The following ABHD18 variants were observed in gnomAD, a reference collection of about 807,000 sequenced individuals.
ABHD18 encodes the protein cardiolipin-specific deacylase, mitochondrial.
Under a neutral mutation model 65.9 loss-of-function variants are expected in ABHD18, and 55 were observed. The ratio of observed to expected loss-of-function variants is 0.84; its 90% CI spans 0.67 to 1.05. The LOEUF (loss-of-function observed/expected upper bound fraction) is 1.05. ABHD18 is among the 50% of genes least tolerant of loss of function. The pLI, the probability that ABHD18 is intolerant of heterozygous loss-of-function variation, is 0.00. For synonymous variants in ABHD18, 181 were observed against 180.2 expected, an observed-to-expected ratio of 1.00 and a Z score of -0.04; for missense variants, 533 against 558.5, an observed-to-expected ratio of 0.95 and a Z score of 0.46.
chr4:128,011,309 C>T (rs952004193), intron 6 of ABHD18, among the ~76,000 whole-genome samples: 2 of 151,926 alleles, frequency 1.3e-5, no homozygotes, highest in Non-Finnish European at 2.9e-5. Flanking sequence ...CCACCTCGCC[C>T]AGCTAATTTT....
In ABHD18 at chr4:127,975,225, G is replaced by A. The variant is rs76021483; in HGVS notation, c.-17-7714G>A. Among the ~76,000 whole-genome samples the A allele has an allele frequency of 6.6e-3, 995 of 151,582 alleles. 20 individuals are homozygous for A. The highest frequency in any genetic ancestry group is 0.022 in the African/African-American group (894 of 41,270). On this transcript the variant is annotated intron_variant, in intron 1 of 12. Coordinates refer to ENST00000645843, the MANE Select transcript of ABHD18 (RefSeq NM_001358451.3). ...AAGGTAAGTATATTTATATTGTTGC[G>A]CAACTGTATCACCACCATCCATCTC...
In ABHD18 at chr4:128,008,907, C is replaced by T. The variant is rs764207093; in HGVS notation, c.279-13C>T. The T allele has an allele frequency of 8.8e-6, 14 of 1,584,884 alleles. No individual in the cohort carries two copies. In the Admixed American group the frequency reaches 1.8e-4, roughly 20 times the overall value. On this transcript the variant is annotated splice_polypyrimidine_tract_variant and intron_variant, in intron 4 of 12. Coordinates refer to ENST00000645843, the MANE Select transcript of ABHD18 (RefSeq NM_001358451.3). ...AGAGAATTTTATTGATAAGTCTATGCTTTTAAAAATAGGTTCCAATTTATT... is the reference window on the plus strand; with the variant it reads ...AGAGAATTTTATTGATAAGTCTATGTTTTTAAAAATAGGTTCCAATTTATT...
At position 128,021,257 on chromosome 4, in the gene ABHD18, A is replaced by C; in HGVS notation, c.801+19A>C. 3 of 1,374,014 alleles carry C rather than the reference A, an allele frequency of 2.2e-6. No individual in the cohort carries two copies. The highest frequency in any genetic ancestry group is 2.0e-6 in the Non-Finnish European group (2 of 990,614). 85.1% of individuals were successfully genotyped at this position (1,374,014 alleles called of 1,614,324 possible). The stretch of plus-strand genomic sequence containing the variant: ...CTGTGGAGTAAGTATTTCACTTTCC[A>C]CCCAACATTGGTGGTGGGGGGAGTT... On this transcript the variant is annotated intron_variant, in intron 10 of 12. Transcript: ENST00000645843.
At position 128,003,958 on chromosome 4, in the gene ABHD18, A is replaced by C. The variant is rs565216855; in HGVS notation, c.279-4962A>C. Among the ~76,000 whole-genome samples the C allele has an allele frequency of 6.2e-4, 94 of 150,714 alleles. 3 individuals carry two copies. Among genetic ancestry groups the C allele is most frequent in the African/African-American group, 2.0e-3 (82 of 40,708 alleles). ...GACCCTGTCTCGATTTAAAAAAAAA[A>C]AAAACAAAAAAAAACCAAACAAACA... On this transcript the variant is annotated intron_variant, in intron 4 of 12. Coordinates refer to ENST00000645843, the MANE Select transcript of ABHD18 (RefSeq NM_001358451.3).
chr4:127,996,046 T>C (rs1479452370), intron 4 of ABHD18, among the ~76,000 whole-genome samples: 1 of 152,164 alleles, frequency 6.6e-6, no homozygotes, highest in Non-Finnish European at 1.5e-5. Context: ...GCTGGAAAGA[T>C]ACAGGCAGGA....
chr4:128,018,601 T>G (rs1247958671), intron 8 of ABHD18, among the ~76,000 whole-genome samples: 2 of 152,156 alleles, frequency 1.3e-5, no homozygotes, highest in African/African-American at 4.8e-5. Context: ...ATCATACCAC[T>G]GCACTCCTGA....
intron 4 of ABHD18, chr4:128,001,602 G>A: frequency 1.0e-6 from 1 of 952,746 alleles, no homozygotes; most frequent in Non-Finnish European, 1.5e-6. Flanking sequence ...ATGTAAAGAT[G>A]CCTTTATTAT....
Position 128,003,212 on chromosome 4 carries a change from C to G in ABHD18, c.279-5708C>G, listed in dbSNP as rs575017205. ...TGAAACCCCATCTCTACTATAAATA[C>G]AAAAATTAGCTGGGCATGGTGGCCG... On this transcript the variant is annotated intron_variant, in intron 4 of 12. Coordinates refer to ENST00000645843, the MANE Select transcript of ABHD18 (RefSeq NM_001358451.3). Among the ~76,000 whole-genome samples the G allele has an allele frequency of 1.7e-3, 253 of 151,508 alleles. 1 individual carries two copies. The highest frequency in any genetic ancestry group is 2.9e-3 in the Non-Finnish European group (197 of 67,836).
At chr4:127,987,787 C>T (rs17012841) in intron 3 of ABHD18, among the ~76,000 whole-genome samples, 12 of 151,732 alleles carry the variant, frequency 7.9e-5, no homozygotes, top group Admixed American at 4.6e-4. Flanking sequence ...TAAATTGGAA[C>T]GTTTTTTTGG....
chr4:128,017,211 C>T, intron 7 of ABHD18, 152 bp from the exon 8 acceptor site: 1 of 703,330 alleles, frequency 1.4e-6, no homozygotes, highest in Admixed American at 2.9e-5. Context: ...AGCCATCACG[C>T]CTGGCCCTAA....
rs755703128 is a variant in ABHD18, at chr4:128,037,118, CAAAAAA to C, written c.*1327_*1332del. On this transcript the variant is annotated 3_prime_UTR_variant, in exon 13 of 13. Coordinates refer to ENST00000645843, the MANE Select transcript of ABHD18 (RefSeq NM_001358451.3). ...TGGGCAACAGAGCAAAACTCCATCT[CAAAAAA>C]AAAAAAAAAAAAAAAAAAAAATTAA... 5 of 24,824 alleles carry C rather than the reference CAAAAAA, an allele frequency of 2.0e-4. No individual in the cohort carries two copies. The highest frequency in any genetic ancestry group is 5.2e-4 in the Admixed American group (1 of 1,932). The allele number at this position is 24,824 out of a possible 1,614,324, so 1.5% of individuals were successfully genotyped here.
chr4:127,984,573 G>A, intron 3 of ABHD18, 150 bp downstream of exon 3: 1 of 480,428 alleles, frequency 2.1e-6, no homozygotes. Flanking sequence ...AATACTATTT[G>A]TGGGCCAGGT....
chr4:127,994,738 T>C (rs950220831), intron 4 of ABHD18, among the ~76,000 whole-genome samples: 12 of 152,340 alleles, frequency 7.9e-5, no homozygotes, highest in African/African-American at 2.6e-4. Flanking sequence ...TGGTAAAATA[T>C]TAATATTCCT....
chr4:128,008,554 C>T (rs912516160), intron 4 of ABHD18, among the ~76,000 whole-genome samples: 5 of 151,968 alleles, frequency 3.3e-5, no homozygotes, highest in Admixed American at 6.6e-5. Flanking sequence ...GGATTGCAGG[C>T]GTGAGCCACC....
At chr4:128,032,871 G>A (rs1048612461) in intron 12 of ABHD18, among the ~76,000 whole-genome samples, 28 of 152,168 alleles carry the variant, frequency 1.8e-4, no homozygotes, top group African/African-American at 6.0e-4. Flanking sequence ...ACACAAGCCC[G>A]TATTGTAACT....
At chr4:127,980,304 C>G (rs1372215738) in intron 1 of ABHD18, among the ~76,000 whole-genome samples, 2 of 152,166 alleles carry the variant, frequency 1.3e-5, no homozygotes, top group African/African-American at 4.8e-5. Context: ...CAAGAAGGTC[C>G]TCACCAAATG....
Position 128,026,181 on chromosome 4 carries a change from C to T in ABHD18, c.802-2294C>T, listed in dbSNP as rs568907342. ...GCAGGCACCTGTAATCCCAGCTACC[C>T]GGGAGGCTGAGGCAGAGAATTGCTT... On this transcript the variant is annotated intron_variant, in intron 10 of 12. Transcript: ENST00000645843. Among the ~76,000 whole-genome samples the T allele has an allele frequency of 6.6e-5, 10 of 152,226 alleles. No homozygotes were observed. The East Asian group carries it at 1.5e-3, about 24-fold the overall frequency.
chr4:128,004,624 G>A (rs1040634596), intron 4 of ABHD18, among the ~76,000 whole-genome samples: 2 of 151,988 alleles, frequency 1.3e-5, no homozygotes, highest in Admixed American at 6.6e-5. Context: ...AAAATTATAC[G>A]TGAGAGCCGG....
At chr4:127,986,163 C>T (rs1255373944) in intron 3 of ABHD18, among the ~76,000 whole-genome samples, 1 of 152,188 alleles carries the variant, frequency 6.6e-6, no homozygotes, top group Non-Finnish European at 1.5e-5. Context: ...TATCCATTAG[C>T]TGTCACTTTC....
Sources: allele counts gnomAD v4.1 joint callset (sites outside exome capture counted in the v4.1 genomes callset), GRCh38; gene constraint gnomAD v4.1.1; transcripts MANE v1.5; gene names NCBI Gene and HGNC (gene_info 2026-07-23, HGNC 2026-07-21).